The following DSCAM variants were observed in gnomAD, a reference collection of about 807,000 sequenced individuals.
DSCAM encodes the protein DS cell adhesion molecule, also known as cell adhesion molecule DSCAM.
Under a neutral mutation model 217.7 loss-of-function variants are expected in DSCAM, and 47 were observed. The ratio of observed to expected loss-of-function variants is 0.22; its 90% CI spans 0.17 to 0.28. The LOEUF (loss-of-function observed/expected upper bound fraction) is 0.28. Among genes scored for constraint, DSCAM ranks in the 10% least tolerant of loss-of-function variants. The probability of loss-of-function intolerance (pLI) is 1.00; values close to 1 mark genes in which losing one functional copy is unlikely to be tolerated. For missense variants in DSCAM, 2,080 were observed against 2,618.3 expected (o/e 0.79, Z 4.49); for synonymous variants, 1,056 against 1,015.3 (o/e 1.04, Z -0.76).
At chr21:40,652,505 A>G (rs1421592715) in intron 3 of DSCAM, among the ~76,000 whole-genome samples, 2 of 152,154 alleles carry the variant, frequency 1.3e-5, no homozygotes, top group African/African-American at 4.8e-5. Context: ...CTGAATAACG[A>G]GCCCATGGCT....
At chr21:40,663,177 G>A (rs2090159162) in intron 3 of DSCAM, among the ~76,000 whole-genome samples, 1 of 147,982 alleles carries the variant, frequency 6.8e-6, no homozygotes, top group African/African-American at 2.5e-5. Context: ...AGTGTGTGTG[G>A]TGTGTGTATG....
intron 20 of DSCAM, among the ~76,000 whole-genome samples, chr21:40,104,246 A>G (rs1398494003): frequency 1.3e-5 from 2 of 152,232 alleles, no homozygotes; most frequent in African/African-American, 2.4e-5. Context: ...CTGTACAAAA[A>G]AACTAATTTG....
At chr21:40,104,265 T>C (rs927832678) in intron 20 of DSCAM, among the ~76,000 whole-genome samples, 1 of 152,222 alleles carries the variant, frequency 6.6e-6, no homozygotes, top group Non-Finnish European at 1.5e-5. Context: ...TGTTATCATA[T>C]AGTTTCTCAC....
At chr21:40,797,275 C>T (rs2091699885) in intron 1 of DSCAM, among the ~76,000 whole-genome samples, 1 of 152,156 alleles carries the variant, frequency 6.6e-6, no homozygotes, top group Admixed American at 6.5e-5. Context: ...CACAAGTTCT[C>T]ATCATAATTA....
At chr21:40,733,350 G>A (rs1345991209) in intron 1 of DSCAM, among the ~76,000 whole-genome samples, 1 of 152,154 alleles carries the variant, frequency 6.6e-6, no homozygotes, top group Non-Finnish European at 1.5e-5. Flanking sequence ...TCTACTTTTT[G>A]GTGAGACCTC....
chr21:40,445,190 C>T (rs2075664517), intron 3 of DSCAM, among the ~76,000 whole-genome samples: 1 of 152,120 alleles, frequency 6.6e-6, no homozygotes, highest in Non-Finnish European at 1.5e-5. Flanking sequence ...TAATCACTTC[C>T]CAAAAGGCTC....
At chr21:40,559,843 A>G (rs1418558463) in intron 3 of DSCAM, among the ~76,000 whole-genome samples, 1 of 129,220 alleles carries the variant, frequency 7.7e-6, no homozygotes, top group Non-Finnish European at 1.5e-5. Context: ...CCCAGGCTGG[A>G]GTGCAGTGGC....
chr21:40,242,228 C>T (rs964595521), intron 11 of DSCAM, among the ~76,000 whole-genome samples: 21 of 151,246 alleles, frequency 1.4e-4, no homozygotes, highest in African/African-American at 5.1e-4. Flanking sequence ...AATGGATGAA[C>T]GGTCAAAATA....
chr21:40,343,684 T>C (rs2074524129), intron 6 of DSCAM, among the ~76,000 whole-genome samples: 1 of 152,056 alleles, frequency 6.6e-6, no homozygotes. Context: ...TCAATGTGTG[T>C]GTATATGTTT....
chr21:40,078,576 G>A (rs950360826), intron 26 of DSCAM, 111 bp downstream of exon 26: 16 of 1,417,450 alleles, frequency 1.1e-5, no homozygotes, highest in African/African-American at 1.4e-5. Flanking sequence ...AATGGGCTCC[G>A]TGGGCACTGG....
At chr21:40,239,171 T>C (rs1012386482) in intron 11 of DSCAM, among the ~76,000 whole-genome samples, 1 of 152,146 alleles carries the variant, frequency 6.6e-6, no homozygotes, top group African/African-American at 2.4e-5. Context: ...CGTTTCAGGA[T>C]GTCAAAACCT....
At chr21:40,559,786 CT>C (rs548599799) in intron 3 of DSCAM, among the ~76,000 whole-genome samples, 8,089 of 109,364 alleles carry the variant, frequency 0.074, 247 homozygotes, top group African/African-American at 0.15. Flanking sequence ...AATTTTCTGT[CT>C]TTTTTTTTTT....
rs190527716 is a variant in DSCAM, at chr21:40,562,704, C to T, written c.508+130106G>A. Among the ~76,000 whole-genome samples, 508 of 152,298 alleles carry T rather than the reference C, an allele frequency of 3.3e-3. 2 individuals carry two copies. The highest frequency in any genetic ancestry group is 5.3e-3 in the Non-Finnish European group (360 of 68,026). ...AATTATACAGACCTTAAACCAGACGCTCTGCTATGTGTATGAGCCTGGGAA... is the reference window on the plus strand; with the variant it reads ...AATTATACAGACCTTAAACCAGACGTTCTGCTATGTGTATGAGCCTGGGAA... On this transcript the variant is annotated intron_variant, in intron 3 of 32. Coordinates refer to ENST00000400454, the MANE Select transcript of DSCAM (RefSeq NM_001389.5).
intron 1 of DSCAM, among the ~76,000 whole-genome samples, chr21:40,787,162 C>G (rs1340545349): frequency 6.6e-6 from 1 of 152,206 alleles, no homozygotes; most frequent in African/African-American, 2.4e-5. Context: ...TGTGGCAGGT[C>G]CCTACTCAGG....
intron 3 of DSCAM, among the ~76,000 whole-genome samples, chr21:40,393,977 T>C (rs2075156551): frequency 6.6e-6 from 1 of 152,232 alleles, no homozygotes; most frequent in Admixed American, 6.5e-5. Context: ...AGTTTCCAAA[T>C]AGATATTTTT....
chr21:40,812,541 C>A (rs770772141), intron 1 of DSCAM, among the ~76,000 whole-genome samples: 2 of 152,158 alleles, frequency 1.3e-5, no homozygotes, highest in East Asian at 3.9e-4. Flanking sequence ...CCATGACTAC[C>A]CACACTCTCA....
At chr21:40,219,878 T>C (rs114535177) in intron 11 of DSCAM, among the ~76,000 whole-genome samples, 1 of 152,224 alleles carries the variant, frequency 6.6e-6, no homozygotes, top group African/African-American at 2.4e-5. Flanking sequence ...TATGTTTACT[T>C]TTGTTATATA....
At position 40,118,985 on chromosome 21, in the gene DSCAM, C is replaced by A. The variant is rs1221673576; in HGVS notation, c.3696+5210G>T. 1.3e-5 allele frequency among the ~76,000 whole-genome samples: 2 copies of A among 152,186 alleles called. 1 individual carries two copies. The highest frequency in any genetic ancestry group is 4.1e-4 in the South Asian group (2 of 4,832). On this transcript the variant is annotated intron_variant, in intron 20 of 32. Coordinates refer to ENST00000400454, the MANE Select transcript of DSCAM (RefSeq NM_001389.5). ...TCGTGATTTGTGCTTGGAGCGTTTA[C>A]CTGCCTATGTCAGCGCCTCAGAGAT... is the stretch of plus-strand genomic sequence containing the variant.
chr21:40,490,471 A>G (rs1353308183), intron 3 of DSCAM, among the ~76,000 whole-genome samples: 1 of 152,168 alleles, frequency 6.6e-6, no homozygotes, highest in East Asian at 1.9e-4. Flanking sequence ...TGTGTGGCTG[A>G]TGGATCACAT....
Sources: allele counts gnomAD v4.1 joint callset (sites outside exome capture counted in the v4.1 genomes callset), GRCh38; gene constraint gnomAD v4.1.1; transcripts MANE v1.5; gene names NCBI Gene and HGNC (gene_info 2026-07-23, HGNC 2026-07-21).